DKK2: variants seen among roughly 807,000 people sequenced by gnomAD.
The protein encoded by DKK2 is dickkopf-related protein 2.
In DKK2, 11 loss-of-function variants were observed where a neutral mutation model predicts 28.1. The ratio of observed to expected loss-of-function variants is 0.39; its 90% CI spans 0.25 to 0.65. The LOEUF (loss-of-function observed/expected upper bound fraction) is 0.65, where lower values mean the gene tolerates loss of function less well. Ranked by LOEUF, DKK2 falls within the 30% of genes least tolerant of loss-of-function variation. The pLI, the probability that DKK2 is intolerant of heterozygous loss-of-function variation, is 0.47. For synonymous variants in DKK2, 135 were observed against 126.5 expected (o/e 1.07, Z -0.45); for missense variants, 326 against 335.5 (o/e 0.97, Z 0.22).
At position 106,924,011 on chromosome 4, in the gene DKK2, T is replaced by C. The variant is rs1418389742; in HGVS notation, c.723A>G (p.Val241=). 1 of 1,613,982 alleles carries C rather than the reference T, an allele frequency of 6.2e-7. No individual in the cohort carries two copies. Among genetic ancestry groups the C allele is most frequent in the East Asian group, 2.2e-5 (1 of 44,864 alleles). ...TGGAGGAGTAGGTGGCATCTTTCCA[T>C]ACTTTGCAAGACAGGCCCTTCGCAC... ...CDCAKGLSCK[V]WKDATYSSKA... The change falls in exon 4 of 4, where the codon GTA becomes GTG. Residue 241 remains valine, a synonymous_variant. Transcript: ENST00000285311.
chr4:106,964,283 C>T (rs1490750122), intron 1 of DKK2, among the ~76,000 whole-genome samples: 1 of 152,010 alleles, frequency 6.6e-6, no homozygotes, highest in Non-Finnish European at 1.5e-5. Flanking sequence ...TCTTCTTACT[C>T]GTATGTGGGA....
intron 1 of DKK2, among the ~76,000 whole-genome samples, chr4:106,939,531 G>T (rs1178088812): frequency 6.6e-6 from 1 of 152,114 alleles, no homozygotes; most frequent in African/African-American, 2.4e-5. Flanking sequence ...TGGCCATACG[G>T]CCCAAGGTAA....
Position 106,923,085 on chromosome 4 carries a change from A to T in DKK2, c.*869T>A, listed in dbSNP as rs1472005709. 1 of 152,112 alleles carries T rather than the reference A, an allele frequency of 6.6e-6. No homozygotes were observed. Among genetic ancestry groups the T allele is most frequent in the Non-Finnish European group, 1.5e-5 (1 of 68,016 alleles). 9.4% of individuals were successfully genotyped at this position (152,112 alleles called of 1,614,324 possible). A position where few individuals can be genotyped will look rare whatever the true frequency, so the allele number is the denominator to read the frequency against. On this transcript the variant is annotated 3_prime_UTR_variant, in exon 4 of 4. Transcript: ENST00000285311. ...TTGGACATCTTTAAATTTTTTTGCC[A>T]TCTGTGAAAATTCTGCTCTGTGTAA...
At chr4:107,018,298 C>CTG (rs1470586457) in intron 1 of DKK2, among the ~76,000 whole-genome samples, 2 of 152,078 alleles carry the variant, frequency 1.3e-5, no homozygotes, top group Admixed American at 1.3e-4. Flanking sequence ...ACCGGCCCAG[C>CTG]TGTACATGTG....
intron 1 of DKK2, among the ~76,000 whole-genome samples, chr4:107,013,535 A>G (rs1723543961): frequency 6.6e-6 from 1 of 151,548 alleles, no homozygotes; most frequent in Non-Finnish European, 1.5e-5. Flanking sequence ...ATAAAAATCA[A>G]CTTAGAATGG....
intron 1 of DKK2, among the ~76,000 whole-genome samples, chr4:106,974,090 A>G (rs1467838742): frequency 6.6e-6 from 1 of 151,998 alleles, no homozygotes; most frequent in African/African-American, 2.4e-5. Flanking sequence ...GTTATGTTCC[A>G]TTGGTCTATA....
chr4:106,928,438 T>C (rs865973172), intron 1 of DKK2, among the ~76,000 whole-genome samples: 1 of 152,138 alleles, frequency 6.6e-6, no homozygotes, highest in Non-Finnish European at 1.5e-5. Context: ...ACATAAATAC[T>C]AGGAGACATT....
chr4:107,000,200 T>C (rs1047741908), intron 1 of DKK2, among the ~76,000 whole-genome samples: 15 of 152,184 alleles, frequency 9.9e-5, no homozygotes, highest in African/African-American at 3.6e-4. Flanking sequence ...TCTTAGTCCT[T>C]GGTCAATGGT....
At chr4:106,968,207 G>T (rs1163818583) in intron 1 of DKK2, among the ~76,000 whole-genome samples, 1 of 151,986 alleles carries the variant, frequency 6.6e-6, no homozygotes, top group Non-Finnish European at 1.5e-5. Flanking sequence ...GGAAAAAGGG[G>T]AGAAGGAAGG....
chr4:107,003,748 G>T (rs1322021635), intron 1 of DKK2, among the ~76,000 whole-genome samples: 1 of 152,162 alleles, frequency 6.6e-6, no homozygotes, highest in Non-Finnish European at 1.5e-5. Context: ...ACCTGTCTCA[G>T]GACCGGGTCC....
At chr4:106,980,987 A>G (rs1292329382) in intron 1 of DKK2, among the ~76,000 whole-genome samples, 1 of 152,178 alleles carries the variant, frequency 6.6e-6, no homozygotes, top group South Asian at 2.1e-4. Context: ...CTCCACCCGA[A>G]GAAGGCAAGT....
chr4:107,000,512 T>C (rs1405953932), intron 1 of DKK2, among the ~76,000 whole-genome samples: 2 of 152,196 alleles, frequency 1.3e-5, no homozygotes, highest in African/African-American at 4.8e-5. Context: ...TAAACCTGCA[T>C]ATTTCAATGT....
At chr4:106,987,957 C>G (rs1012045784) in intron 1 of DKK2, among the ~76,000 whole-genome samples, 3 of 151,810 alleles carry the variant, frequency 2.0e-5, no homozygotes, top group Non-Finnish European at 2.9e-5. Flanking sequence ...TTCCGCCTCC[C>G]GGGTTCAAGC....
intron 1 of DKK2, among the ~76,000 whole-genome samples, chr4:107,015,854 A>G (rs565190583): frequency 6.6e-6 from 1 of 151,900 alleles, no homozygotes; most frequent in East Asian, 1.9e-4. Context: ...AAATTTAGGC[A>G]AAAGCAGATG....
At chr4:106,969,609 T>C (rs866103346) in intron 1 of DKK2, among the ~76,000 whole-genome samples, 9 of 152,230 alleles carry the variant, frequency 5.9e-5, no homozygotes, top group Non-Finnish European at 8.8e-5. Flanking sequence ...AATTTTTTTT[T>C]TGGTCCCTGG....
intron 1 of DKK2, among the ~76,000 whole-genome samples, chr4:107,019,436 A>G (rs570893315): frequency 4.7e-4 from 72 of 152,128 alleles, no homozygotes; most frequent in African/African-American, 1.7e-3. Flanking sequence ...TACTCCGCAC[A>G]TAACAGAAGC....
In DKK2 at chr4:107,035,528, T is replaced by A. The variant is rs1723950848; in HGVS notation, c.64A>T (p.Met22Leu). Residue 22 changes from methionine (M) to leucine (L), a missense_variant, in exon 1 of 4, where the codon ATG becomes TTG. Coordinates refer to ENST00000285311, the MANE Select transcript of DKK2 (RefSeq NM_014421.3). ...CTGCCGATCTGTGAGCTCTCCACCA[T>A]CAGCACCGCGGCCAGTAGGAGCAGG... is the stretch of plus-strand genomic sequence containing the variant. Reference protein sequence around the residue: ...CCLLLLAAVLMVESSQIGSSR... With the variant: ...CCLLLLAAVLLVESSQIGSSR... The A allele has an allele frequency of 1.2e-6, 2 of 1,614,052 alleles. No individual in the cohort carries two copies. The highest frequency in any genetic ancestry group is 1.3e-5 in the African/African-American group (1 of 74,910).
chr4:107,029,102 T>C (rs2110377247), intron 1 of DKK2, among the ~76,000 whole-genome samples: 1 of 152,268 alleles, frequency 6.6e-6, no homozygotes, highest in Non-Finnish European at 1.5e-5. Context: ...ACTAACATAC[T>C]TTAGACTTCT....
In DKK2 at chr4:106,998,799, A is replaced by T. The variant is rs1012948; in HGVS notation, c.222+36571T>A. 5.1e-3 allele frequency among the ~76,000 whole-genome samples: 782 copies of T among 152,314 alleles called. 5 individuals are homozygous for T. The highest frequency in any genetic ancestry group is 0.018 in the African/African-American group (747 of 41,568). ...ATAAAAGAGTACCTCCTACTGGGGA[A>T]TATATTAGGAAGATTACATCTAAAG... On this transcript the variant is annotated intron_variant, in intron 1 of 3. Transcript: ENST00000285311.
Sources: allele counts gnomAD v4.1 joint callset (sites outside exome capture counted in the v4.1 genomes callset), GRCh38; gene constraint gnomAD v4.1.1; transcripts MANE v1.5; gene names NCBI Gene and HGNC (gene_info 2026-07-23, HGNC 2026-07-21).